NFKBIB: variants seen among roughly 807,000 people sequenced by gnomAD.
NFKBIB encodes NFKB inhibitor beta.
In NFKBIB, 16 loss-of-function variants were observed where a neutral mutation model predicts 32.1. That is an observed-to-expected ratio of 0.50 (90% CI 0.34 to 0.76). The LOEUF is 0.76. Ranked by LOEUF, NFKBIB falls within the 30% of genes least tolerant of loss-of-function variation. The pLI is 0.01. For missense variants in NFKBIB, 437 were observed against 514.9 expected (o/e 0.85, Z 1.46); for synonymous variants, 222 against 219.5 (o/e 1.01, Z -0.10).
chr19:38,902,215 G>A (rs1023415129), intron 1 of NFKBIB, among the ~76,000 whole-genome samples: 16 of 150,404 alleles, frequency 1.1e-4, no homozygotes, highest in South Asian at 2.1e-4. Flanking sequence ...CGAGTAGCTG[G>A]GACTACAGGC....
At chr19:38,902,074 T>C (rs1165067991) in intron 1 of NFKBIB, among the ~76,000 whole-genome samples, 2 of 122,178 alleles carry the variant, frequency 1.6e-5, no homozygotes, top group Non-Finnish European at 3.5e-5. Flanking sequence ...ATAGTGTTTT[T>C]CATTTTATTT....
chr19:38,907,112 C>T (rs1974152324), intron 3 of NFKBIB, 109 bp from the exon 4 acceptor site: 3 of 992,254 alleles, frequency 3.0e-6, no homozygotes, highest in East Asian at 4.8e-5. Context: ...AGGAACCAGC[C>T]CCCAAACCTA....
chr19:38,907,560 C>T lies in NFKBIB; in HGVS notation c.870C>T (p.Ala290=), dbSNP rs1483169010. ...SAMLRPNPIL[A]RLLRAHGAPE... ...TGCTCCGGCCCAACCCCATCCTCGC[C>T]CGCCTCCTCCGTGCACACGGAGCCC... is the stretch of plus-strand genomic sequence containing the variant. The change falls in exon 5 of 6, where the codon GCC becomes GCT. Residue 290 remains alanine (A), a synonymous_variant. Coordinates refer to ENST00000313582, the MANE Select transcript of NFKBIB (RefSeq NM_002503.5). 2 of 1,612,514 alleles carry T rather than the reference C, an allele frequency of 1.2e-6. No homozygotes were observed. The highest frequency in any genetic ancestry group is 2.2e-5 in the South Asian group (2 of 91,046).
At chr19:38,908,073 T>G in intron 5 of NFKBIB, 3 of 1,048,400 alleles carry the variant, frequency 2.9e-6, no homozygotes, top group Non-Finnish European at 3.5e-6. Context: ...TGGGGAGAGA[T>G]ATAGTCAGAG....
intron 3 of NFKBIB, among the ~76,000 whole-genome samples, chr19:38,907,004 G>A (rs1238981579): frequency 2.0e-5 from 3 of 152,192 alleles, no homozygotes; most frequent in Non-Finnish European, 2.9e-5. Flanking sequence ...CGGGCCCCAG[G>A]CTTCAAACAA....
Position 38,904,139 on chromosome 19 carries a change from TG to T in NFKBIB, c.180-874del, listed in dbSNP as rs566891232. On this transcript the variant is annotated intron_variant, in intron 1 of 5. Transcript: ENST00000313582. Reference sequence around the variant, plus strand: ...AATATTCTTGAATATTATTCTGGGATGGAGTTAAATTACTCGGAAGTAGTTT... The same window carrying T: ...AATATTCTTGAATATTATTCTGGGATGAGTTAAATTACTCGGAAGTAGTTT... Among the ~76,000 whole-genome samples the T allele has an allele frequency of 5.5e-3, 844 of 152,224 alleles. 3 individuals are homozygous for T. Among genetic ancestry groups the T allele is most frequent in the Non-Finnish European group, 8.1e-3 (550 of 68,006 alleles).
At position 38,907,641 on chromosome 19, in the gene NFKBIB, C is replaced by T. The variant is rs372112776; in HGVS notation, c.951C>T (p.Ser317=). The T allele has an allele frequency of 7.5e-6, 12 of 1,607,074 alleles. No homozygotes were observed. Among genetic ancestry groups the T allele is most frequent in the East Asian group, 2.2e-5 (1 of 44,632 alleles). ...KSGPCSSSSD[S]DSGDEGDEYD... ...GCCCCTGCAGCAGCAGTAGCGACAG[C>T]GACAGCGGAGACGAGGGCGTGAGTC... The change falls in exon 5 of 6, where the codon AGC becomes AGT. Residue 317 remains serine (S), a synonymous_variant. Transcript: ENST00000313582.
At chr19:38,901,007 T>G (rs1600141115) in intron 1 of NFKBIB, among the ~76,000 whole-genome samples, 1 of 24,042 alleles carries the variant, frequency 4.2e-5, no homozygotes, top group South Asian at 3.1e-3. Context: ...TCAGAGGTAG[T>G]TAAGTACTTT....
At chr19:38,907,059 G>A (rs551154897) in intron 3 of NFKBIB, among the ~76,000 whole-genome samples, 162 bp from the exon 4 acceptor site, 1 of 152,342 alleles carries the variant, frequency 6.6e-6, no homozygotes, top group Admixed American at 6.5e-5. Flanking sequence ...ATCTGAGATA[G>A]GCATTTGGTA....
In NFKBIB at chr19:38,905,482, A is replaced by G. The variant is rs1305075572; in HGVS notation, c.566A>G (p.Glu189Gly). Residue 189 changes from glutamate to glycine, a missense_variant, in exon 3 of 6, where the codon GAA becomes GGA. By Grantham distance (98) the Glu-to-Gly change is moderately conservative (BLOSUM62 -2). Transcript: ENST00000313582. The surrounding 1 kb of genome is among the most constrained non-coding windows in gnomAD (Gnocchi z 5.5). ...LYPDSDLEKE[E>G]EESEEDWKLQ... The stretch of plus-strand genomic sequence containing the variant: ...CCCGATTCCGACTTGGAGAAGGAAG[A>G]AGAGGAGAGTGAGGAGGACTGGAAG... The G allele has an allele frequency of 8.7e-6, 14 of 1,613,658 alleles. No individual in the cohort carries two copies. Among genetic ancestry groups the G allele is most frequent in the South Asian group, 1.1e-5 (1 of 91,056 alleles).
At chr19:38,901,373 A>G (rs1162941016) in intron 1 of NFKBIB, among the ~76,000 whole-genome samples, 1 of 151,324 alleles carries the variant, frequency 6.6e-6, no homozygotes, top group African/African-American at 2.4e-5. Context: ...ATGGCTTACT[A>G]TAGCCACAAC....
intron 1 of NFKBIB, 152 bp downstream of exon 1, chr19:38,900,363 T>C: frequency 1.3e-6 from 1 of 785,498 alleles, no homozygotes; most frequent in Non-Finnish European, 1.9e-6. Context: ...TCCTAACTTT[T>C]AACAAAACCA....
In NFKBIB at chr19:38,908,356, T is replaced by C. The variant is rs904764840; in HGVS notation, c.970-375T>C. ...GAGTTCGAGACCAGCCTGGCCAACA[T>C]GGCAAGACCCTGTCTCTACTAAAAA... On this transcript the variant is annotated intron_variant, in intron 5 of 5. Transcript: ENST00000313582. 4.1e-5 allele frequency: 34 copies of C among 835,396 alleles called. 1 individual carries two copies. Among genetic ancestry groups the C allele is most frequent in the Non-Finnish European group, 1.5e-5 (10 of 686,916 alleles). The allele number at this position is 835,396 out of a possible 1,614,324, so 51.7% of individuals were successfully genotyped here. A position where few individuals can be genotyped will look rare whatever the true frequency, so the allele number is the denominator to read the frequency against.
At chr19:38,907,080 TC>T in intron 3 of NFKBIB, 140 bp from the exon 4 acceptor site, 1 of 746,878 alleles carries the variant, frequency 1.3e-6, no homozygotes. Context: ...CCCAGGTACC[TC>T]TTTGCCATAC....
intron 3 of NFKBIB, 46 bp from the exon 4 acceptor site, chr19:38,907,175 G>A: frequency 3.2e-6 from 5 of 1,540,382 alleles, no homozygotes; most frequent in Non-Finnish European, 4.4e-6. Context: ...GGTGGGGTGG[G>A]GGGGGCCCTC....
At position 38,899,986 on chromosome 19, in the gene NFKBIB, C is replaced by T. The variant is rs570595512; in HGVS notation, c.-47C>T. On this transcript the variant is annotated 5_prime_UTR_variant, in exon 1 of 6. Coordinates refer to ENST00000313582, the MANE Select transcript of NFKBIB (RefSeq NM_002503.5). ...AAGCTCCAGAACTCCCGGCAAAGCCCAGCTACAGGCGGGCGACTGCGGGGG... is the reference window on the plus strand; with the variant it reads ...AAGCTCCAGAACTCCCGGCAAAGCCTAGCTACAGGCGGGCGACTGCGGGGG... The T allele has an allele frequency of 3.5e-6, 5 of 1,439,034 alleles. No homozygotes were observed. In the South Asian group the frequency reaches 7.3e-5, roughly 21 times the overall value. The allele number at this position is 1,439,034 out of a possible 1,614,324, so 89.1% of individuals were successfully genotyped here. A position where few individuals can be genotyped will look rare whatever the true frequency, so the allele number is the denominator to read the frequency against.
Position 38,905,347 on chromosome 19 carries a change from G to C in NFKBIB, c.431G>C (p.Arg144Pro). The C allele has an allele frequency of 6.2e-7, 1 of 1,611,248 alleles. No individual in the cohort carries two copies. The highest frequency in any genetic ancestry group is 1.7e-5 in the Admixed American group (1 of 59,920). Residue 144 changes from arginine to proline, a missense_variant, in exon 3 of 6, where the codon CGT (arginine) becomes CCT (proline). Coordinates refer to ENST00000313582, the MANE Select transcript of NFKBIB (RefSeq NM_002503.5). The surrounding 1 kb of genome is among the most constrained non-coding windows in gnomAD (Gnocchi z 5.5). ...CGTGTGGGGGCACACGCCTGTGCCC[G>C]TGCCCTGCTTCAGCCCCGCCCCCGG... ...ACRVGAHACARALLQPRPRRP... is the reference protein window; with the variant it reads ...ACRVGAHACAPALLQPRPRRP...
intron 3 of NFKBIB, among the ~76,000 whole-genome samples, chr19:38,906,131 CT>C (rs11300670): frequency 0.15 from 14,585 of 97,488 alleles, 388 homozygotes; most frequent in East Asian, 0.22. Flanking sequence ...TACTTGGTAC[CT>C]TTTTTTTTTT....
chr19:38,899,978 G>A lies in NFKBIB; in HGVS notation c.-55G>A. 2.1e-6 allele frequency: 3 copies of A among 1,432,082 alleles called. No homozygotes were observed. The highest frequency in any genetic ancestry group is 1.8e-6 in the Non-Finnish European group (2 of 1,093,956). 88.7% of individuals were successfully genotyped at this position (1,432,082 alleles called of 1,614,324 possible). On this transcript the variant is annotated 5_prime_UTR_variant, in exon 1 of 6. Transcript: ENST00000313582. ...CAGGGCGGAAGCTCCAGAACTCCCGGCAAAGCCCAGCTACAGGCGGGCGAC... is the reference window on the plus strand; with the variant it reads ...CAGGGCGGAAGCTCCAGAACTCCCGACAAAGCCCAGCTACAGGCGGGCGAC...
Sources: allele counts gnomAD v4.1 joint callset (sites outside exome capture counted in the v4.1 genomes callset), GRCh38; gene constraint gnomAD v4.1.1; non-coding constraint Gnocchi (gnomAD v3.1); transcripts MANE v1.5; gene names NCBI Gene and HGNC (gene_info 2026-07-23, HGNC 2026-07-21).